The following SLC38A12 variants were observed in gnomAD, a reference collection of about 807,000 sequenced individuals.
SLC38A12 encodes the protein putative sodium-coupled neutral amino acid transporter 12.
chr17:74,791,893 T>C, the SLC38A12 span, among the ~76,000 whole-genome samples: 3,707 of 152,302 alleles, frequency 0.024, 170 homozygotes, highest in African/African-American at 0.085. Context: ...ACTCCTGTAA[T>C]CCCAGCACTT....
the SLC38A12 span, among the ~76,000 whole-genome samples, chr17:74,791,309 C>CA: frequency 6.6e-6 from 1 of 152,320 alleles, no homozygotes; most frequent in Admixed American, 6.5e-5. Flanking sequence ...GAACCCCAGG[C>CA]AGCTACTCCA....
chr17:74,836,354 C>T, the SLC38A12 span: 11 of 1,612,706 alleles, frequency 6.8e-6, no homozygotes, highest in African/African-American at 2.7e-5. The surrounding 1 kb of genome is among the most constrained non-coding windows in gnomAD (Gnocchi z 4.2). Flanking sequence ...TCTTCCACCG[C>T]GAGGGCGGCA....
At chr17:74,837,331 G>A in the SLC38A12 span, 1 of 985,530 alleles carries the variant, frequency 1.0e-6, no homozygotes, top group Non-Finnish European at 1.2e-6. Flanking sequence ...CCCTCGCTGT[G>A]GGCGCGAGCT....
At chr17:74,785,529 C>T in the SLC38A12 span, 1 of 1,614,180 alleles carries the variant, frequency 6.2e-7, no homozygotes, top group Non-Finnish European at 8.5e-7. Context: ...CGGGCGCACT[C>T]ACCATGCCCA....
the SLC38A12 span, chr17:74,837,642 G>A: frequency 1.9e-4 from 189 of 985,454 alleles, no homozygotes; most frequent in Non-Finnish European, 2.1e-4. Flanking sequence ...GGGGCTGAGC[G>A]TGGGTGCTCA....
the SLC38A12 span, among the ~76,000 whole-genome samples, chr17:74,834,033 C>G: frequency 2.6e-5 from 4 of 152,140 alleles, no homozygotes; most frequent in Non-Finnish European, 5.9e-5. Flanking sequence ...TGTCTGCTCT[C>G]TCCCCGGTAC....
chr17:74,783,853 C>T, the SLC38A12 span, among the ~76,000 whole-genome samples: 1 of 151,010 alleles, frequency 6.6e-6, no homozygotes, highest in Non-Finnish European at 1.5e-5. Context: ...GCCTCAGCCT[C>T]CTGAGTAGCT....
At chr17:74,785,469 C>T in the SLC38A12 span, 1 of 1,606,598 alleles carries the variant, frequency 6.2e-7, no homozygotes, top group South Asian at 1.1e-5. Context: ...AATGTTGCCT[C>T]TGTCGGTTCC....
the SLC38A12 span, among the ~76,000 whole-genome samples, chr17:74,780,654 G>A: frequency 6.6e-6 from 1 of 152,206 alleles, no homozygotes; most frequent in South Asian, 2.1e-4. Flanking sequence ...TCTGTTCATT[G>A]TGATTGGCCA....
chr17:74,812,284 T>A, the SLC38A12 span, among the ~76,000 whole-genome samples: 2 of 152,110 alleles, frequency 1.3e-5, no homozygotes, highest in African/African-American at 4.8e-5. Flanking sequence ...AATCCTGCCC[T>A]AGCCACGTGA....
the SLC38A12 span, among the ~76,000 whole-genome samples, chr17:74,825,963 A>C: frequency 6.6e-6 from 1 of 150,520 alleles, no homozygotes; most frequent in Non-Finnish European, 1.5e-5. Flanking sequence ...CATCTTCCTC[A>C]CTCTCTCCTT....
chr17:74,810,425 C>T, the SLC38A12 span, among the ~76,000 whole-genome samples: 1 of 152,218 alleles, frequency 6.6e-6, no homozygotes, highest in Non-Finnish European at 1.5e-5. Flanking sequence ...GCCATGCTAA[C>T]TTGTTCAAAA....
At chr17:74,788,351 A>G in the SLC38A12 span, among the ~76,000 whole-genome samples, 1 of 152,054 alleles carries the variant, frequency 6.6e-6, no homozygotes, top group South Asian at 2.1e-4. Context: ...GGAGGTGACC[A>G]CTCGCCTGTG....
chr17:74,824,223 G>A, the SLC38A12 span, among the ~76,000 whole-genome samples: 19 of 152,184 alleles, frequency 1.2e-4, no homozygotes, highest in Non-Finnish European at 8.8e-5. Context: ...TCTCTGCTCC[G>A]CCGCCCCCAG....
At chr17:74,809,886 A>G in the SLC38A12 span, among the ~76,000 whole-genome samples, 1 of 152,182 alleles carries the variant, frequency 6.6e-6, no homozygotes, top group African/African-American at 2.4e-5. Flanking sequence ...ACTGTTGGCC[A>G]GTCTGTACCT....
At chr17:74,820,540 G>A in the SLC38A12 span, among the ~76,000 whole-genome samples, 1 of 152,258 alleles carries the variant, frequency 6.6e-6, no homozygotes, top group African/African-American at 2.4e-5. Context: ...CGGAGGACAG[G>A]AGCGGGTGGG....
the SLC38A12 span, among the ~76,000 whole-genome samples, chr17:74,815,335 C>T: frequency 2.0e-5 from 3 of 152,138 alleles, no homozygotes; most frequent in South Asian, 2.1e-4. Flanking sequence ...TGGGACAATG[C>T]GGCCTTGGGA....
the SLC38A12 span, among the ~76,000 whole-genome samples, chr17:74,805,042 G>T: frequency 2.0e-5 from 3 of 152,234 alleles, no homozygotes; most frequent in Non-Finnish European, 4.4e-5. This position sits in a 1 kb window ranked among gnomAD's most constrained non-coding sequence, Gnocchi z 5.0. Context: ...CAGTATATTC[G>T]AAGGCCACAG....
At chr17:74,784,038 T>A in the SLC38A12 span, among the ~76,000 whole-genome samples, 5 of 145,992 alleles carry the variant, frequency 3.4e-5, no homozygotes, top group African/African-American at 5.1e-5. Flanking sequence ...CTTCATGCTT[T>A]AAAAAAAAAA....
Sources: gnomAD v4.1 joint callset for allele counts (sites outside exome capture counted in the v4.1 genomes callset) on GRCh38, gnomAD v4.1.1 for gene constraint, Gnocchi (gnomAD v3.1) non-coding constraint, MANE v1.5 for transcripts, NCBI Gene and HGNC (gene_info 2026-07-23, HGNC 2026-07-21) for gene names.